Variants in ALDH18A1 observed in about 807,000 individuals in gnomAD.
ALDH18A1 encodes delta-1-pyrroline-5-carboxylate synthase.
ALDH18A1 carries 44 observed loss-of-function variants against 88.8 expected under a neutral mutation model. That is an observed-to-expected ratio of 0.50 (90% confidence interval 0.39 to 0.64). The LOEUF (loss-of-function observed/expected upper bound fraction) is 0.64. Among genes scored for constraint, ALDH18A1 ranks in the 30% least tolerant of loss-of-function variants. ALDH18A1 has a pLI of 0.00. For synonymous variants in ALDH18A1, 331 were observed against 372.1 expected (o/e 0.89, Z 1.27); for missense variants, 782 against 1,009.5 (o/e 0.77, Z 3.05).
At chr10:95,648,179 A>T (rs1042183391) in intron 2 of ALDH18A1, among the ~76,000 whole-genome samples, 1 of 152,112 alleles carries the variant, frequency 6.6e-6, no homozygotes, top group African/African-American at 2.4e-5. Context: ...CCTCAGGGAG[A>T]CAGTGTCAGA....
rs373988688 is a variant in ALDH18A1, at chr10:95,613,916, G to A, written c.1801+50C>T. On this transcript the variant is annotated intron_variant, in intron 14 of 17. Transcript: ENST00000371224. ...TCCATTGACATGATCCAGAGCTGCA[G>A]AGGATGTAATATTTCTCCGTTGTGA... 24 of 1,614,104 alleles carry A rather than the reference G, an allele frequency of 1.5e-5. No homozygotes were observed. In the African/African-American group the frequency reaches 2.9e-4, roughly 20 times the overall value.
At chr10:95,652,024 G>A (rs2097911196) in intron 2 of ALDH18A1, among the ~76,000 whole-genome samples, 1 of 152,176 alleles carries the variant, frequency 6.6e-6, no homozygotes, top group African/African-American at 2.4e-5. Flanking sequence ...TACACTCATA[G>A]CATTACATAC....
Position 95,621,191 on chromosome 10 carries a change from A to T in ALDH18A1, c.1307T>A (p.Leu436Gln). The change falls in exon 12 of 18, where the codon CTG (leucine) becomes CAG (glutamine). Residue 436 changes from leucine (L) to glutamine (Q), a missense_variant. Physicochemically the swap from Leu to Gln is moderately radical, Grantham distance 113. Transcript: ENST00000371224. ...LSLSTSKLNS[L>Q]AIGLRQIAAS... ...TGCGATCTGTCGCAGACCGATGGCC[A>T]GGCTGTTCAATTTGGATGTGGAGAG... 1 of 1,614,154 alleles carries T rather than the reference A, an allele frequency of 6.2e-7. No homozygotes were observed. The highest frequency in any genetic ancestry group is 8.5e-7 in the Non-Finnish European group (1 of 1,180,030).
Position 95,653,329 on chromosome 10 carries a change from G to A in ALDH18A1, c.49C>T (p.Leu17Phe). ...GTTGTACACTTGACCCAGGGCAGAA[G>A]ATGTTGGTTGAAGGGCTGGAACCCA... ...RCGFQPFNQH[L>F]LPWVKCTTVF... Residue 17 changes from leucine to phenylalanine, a missense_variant, in exon 2 of 18, where the codon CTT becomes TTT. Around this residue, in one of 3 missense-constraint regions of ALDH18A1, gnomAD observed 94 missense variants for 99.5 expected, o/e 0.94. Transcript: ENST00000371224. The A allele has an allele frequency of 6.2e-7, 1 of 1,612,764 alleles. No individual in the cohort carries two copies. Among genetic ancestry groups the A allele is most frequent in the East Asian group, 2.2e-5 (1 of 44,884 alleles).
At chr10:95,616,737 CTG>C in intron 12 of ALDH18A1, 123 bp from the exon 13 acceptor site, 3 of 1,268,968 alleles carry the variant, frequency 2.4e-6, no homozygotes, top group Non-Finnish European at 3.3e-6. Context: ...AAGGCCTATG[CTG>C]TTTCATCTTC....
At chr10:95,655,128 TTTA>T (rs147662060) in intron 1 of ALDH18A1, among the ~76,000 whole-genome samples, 79,075 of 133,316 alleles carry the variant, frequency 0.59, 21,354 homozygotes, top group East Asian at 0.78. Flanking sequence ...CCAATTTTTC[TTTA>T]TTATTATTAT....
At position 95,606,328 on chromosome 10, in the gene ALDH18A1, T is replaced by C; in HGVS notation, c.*434A>G. ...GTTGCCCCTTTTCTAAAATTCCAAA[T>C]CTTTCCTTTTTGAAGATGACTACAT... On this transcript the variant is annotated 3_prime_UTR_variant, in exon 18 of 18. Transcript: ENST00000371224. 14 of 1,002,368 alleles carry C rather than the reference T, an allele frequency of 1.4e-5. No individual in the cohort carries two copies. The highest frequency in any genetic ancestry group is 1.7e-5 in the Non-Finnish European group (14 of 839,480). 62.1% of individuals were successfully genotyped at this position (1,002,368 alleles called of 1,614,324 possible).
At position 95,634,928 on chromosome 10, in the gene ALDH18A1, A is replaced by G. The variant is rs118183340; in HGVS notation, c.559-1279T>C. Among the ~76,000 whole-genome samples, 733 of 152,034 alleles carry G rather than the reference A, an allele frequency of 4.8e-3. 4 individuals carry two copies. Among genetic ancestry groups the G allele is most frequent in the Middle Eastern group, 0.01 (3 of 294 alleles). ...GAAAGCTGGAAGCAAATAGTAAAGA[A>G]AGCAGGCACTGAAACAGTCAAAGTG... On this transcript the variant is annotated intron_variant, in intron 5 of 17. Transcript: ENST00000371224.
intron 2 of ALDH18A1, among the ~76,000 whole-genome samples, chr10:95,643,973 G>C (rs148752774): frequency 6.6e-6 from 1 of 152,110 alleles, no homozygotes; most frequent in Non-Finnish European, 1.5e-5. Context: ...GTGAAACCCC[G>C]TCTCTACTAA....
chr10:95,633,468 AC>A, intron 6 of ALDH18A1, 22 bp downstream of exon 6: 1 of 1,614,010 alleles, frequency 6.2e-7, no homozygotes. Flanking sequence ...AGCATGCTAA[AC>A]CCTTAGAAAT....
chr10:95,620,749 T>C (rs1025019985), intron 12 of ALDH18A1, among the ~76,000 whole-genome samples: 1 of 147,664 alleles, frequency 6.8e-6, no homozygotes, highest in Non-Finnish European at 1.5e-5. Flanking sequence ...ATGAGAACAC[T>C]TGGACACAGG....
chr10:95,655,681 AGTGTGTGTGTGT>A (rs3838754), intron 1 of ALDH18A1, among the ~76,000 whole-genome samples: 2 of 150,168 alleles, frequency 1.3e-5, no homozygotes, highest in Admixed American at 6.6e-5. Flanking sequence ...GAGCAAAGAG[AGTGTGTGTGTGT>A]GTGTGTGTGT....
At chr10:95,608,239 T>C (rs925086746) in intron 17 of ALDH18A1, among the ~76,000 whole-genome samples, 2 of 152,232 alleles carry the variant, frequency 1.3e-5, no homozygotes, top group Non-Finnish European at 2.9e-5. Flanking sequence ...GGATTTTCAT[T>C]TGAATGCTGG....
At chr10:95,636,178 C>T (rs898243748) in intron 5 of ALDH18A1, among the ~76,000 whole-genome samples, 12 of 152,078 alleles carry the variant, frequency 7.9e-5, no homozygotes, top group African/African-American at 2.9e-4. Context: ...AATGAAGAAG[C>T]AAAACCTGAA....
intron 9 of ALDH18A1, 92 bp from the exon 10 acceptor site, chr10:95,626,868 G>C: frequency 7.8e-7 from 1 of 1,289,672 alleles, no homozygotes; most frequent in South Asian, 1.2e-5. Context: ...ACATGCACAA[G>C]CTCATCACGC....
At chr10:95,616,436 G>A in intron 13 of ALDH18A1, 41 bp downstream of exon 13, 1 of 1,552,642 alleles carries the variant, frequency 6.4e-7, no homozygotes, top group Non-Finnish European at 8.7e-7. Flanking sequence ...CACCTGATCT[G>A]GCCCCTCTGG....
At position 95,611,413 on chromosome 10, in the gene ALDH18A1, G is replaced by A. The variant is rs772316092; in HGVS notation, c.1953C>T (p.Ala651=). 6 of 1,614,078 alleles carry A rather than the reference G, an allele frequency of 3.7e-6. No individual in the cohort carries two copies. In the Admixed American group the frequency reaches 6.7e-5, roughly 18 times the overall value. ...QVKIHAGPKF[A]SYLTFSPSEV... The stretch of plus-strand genomic sequence containing the variant: ...CGGAGGGGCTGAAGGTCAGATAGGA[G>A]GCAAATTTGGGGCCTGCATGAATTT... Residue 651 remains alanine (A), a synonymous_variant, in exon 16 of 18, where the codon GCC becomes GCT. Transcript: ENST00000371224.
intron 2 of ALDH18A1, among the ~76,000 whole-genome samples, chr10:95,651,665 C>T (rs1346277932): frequency 6.6e-6 from 1 of 152,056 alleles, no homozygotes; most frequent in African/African-American, 2.4e-5. Context: ...GTGCCACACA[C>T]TTAACCAGAT....
chr10:95,655,000 AT>A (rs2139674547), intron 1 of ALDH18A1, among the ~76,000 whole-genome samples: 1 of 152,252 alleles, frequency 6.6e-6, no homozygotes, highest in South Asian at 2.1e-4. Context: ...TGCTTTTCCC[AT>A]CTGGATTACA....
Sources: gnomAD v4.1 joint callset for allele counts (sites outside exome capture counted in the v4.1 genomes callset) on GRCh38, gnomAD v4.1.1 for gene constraint, gnomAD v4.1.1 regional missense constraint, MANE v1.5 for transcripts, NCBI Gene and HGNC (gene_info 2026-07-23, HGNC 2026-07-21) for gene names.